PCDHGA4: variants seen among roughly 807,000 people sequenced by gnomAD.
PCDHGA4 encodes the protein protocadherin gamma-A4.
In PCDHGA4, 38 loss-of-function variants were observed where a neutral mutation model predicts 54.6. That is an observed-to-expected ratio of 0.70 (90% confidence interval 0.54 to 0.91). PCDHGA4 has a LOEUF of 0.91. Among genes scored for constraint, PCDHGA4 ranks in the 40% least tolerant of loss-of-function variants. PCDHGA4 has a pLI of 0.00. For synonymous variants in PCDHGA4, 511 were observed against 512.9 expected (o/e 1.00, Z 0.05); for missense variants, 1,298 against 1,220.9 (o/e 1.06, Z -0.94).
intron 1 of PCDHGA4, chr5:141,394,562 G>A (rs1381162611): frequency 2.5e-6 from 4 of 1,614,088 alleles, no homozygotes; most frequent in Admixed American, 3.3e-5. Flanking sequence ...GCTCCGCAGA[G>A]CGTGGCTACC....
At chr5:141,474,332 G>A (rs1427828070) in intron 1 of PCDHGA4, among the ~76,000 whole-genome samples, 1 of 152,168 alleles carries the variant, frequency 6.6e-6, no homozygotes, top group Non-Finnish European at 1.5e-5. Flanking sequence ...TCACCCTGAT[G>A]TTTTGTTAAA....
In PCDHGA4 at chr5:141,477,200, C is replaced by A; in HGVS notation, c.2515-17607C>A. On this transcript the variant is annotated intron_variant, in intron 1 of 3. Transcript: ENST00000571252. The surrounding 1 kb of genome is among the most constrained non-coding windows in gnomAD (Gnocchi z 4.9). The stretch of plus-strand genomic sequence containing the variant: ...AGTCACCTCCGTGTACAGCCCAGTA[C>A]CCGAGGATGCCCCTCTGGGGACTGT... 6.2e-7 allele frequency: 1 copy of A among 1,614,206 alleles called. No homozygotes were observed. Among genetic ancestry groups the A allele is most frequent in the South Asian group, 1.1e-5 (1 of 91,088 alleles).
rs762068366 is a variant in PCDHGA4 at position 141,360,850 on chromosome 5, C to G, written c.2514+3229C>G. On this transcript the variant is annotated intron_variant, in intron 1 of 3. Coordinates refer to ENST00000571252, the MANE Select transcript of PCDHGA4 (RefSeq NM_018917.4). Reference sequence around the variant, plus strand: ...CAAAGTCACGGATGCCAACGATAACCCTCCAGTGTTCAGCCAGGACGTGTA... The same window carrying G: ...CAAAGTCACGGATGCCAACGATAACGCTCCAGTGTTCAGCCAGGACGTGTA... 16 of 1,613,984 alleles carry G rather than the reference C, an allele frequency of 9.9e-6. No individual in the cohort carries two copies. The African/African-American group carries it at 2.1e-4, about 22-fold the overall frequency.
intron 1 of PCDHGA4, chr5:141,403,714 C>A: frequency 1.2e-6 from 2 of 1,613,910 alleles, no homozygotes; most frequent in South Asian, 1.1e-5. Context: ...TCCTTGAGAA[C>A]GTGCCCCCAG....
chr5:141,422,074 C>T (rs886758924), intron 1 of PCDHGA4: 8 of 1,612,146 alleles, frequency 5.0e-6, no homozygotes, highest in African/African-American at 4.0e-5. Context: ...GTATTCATTT[C>T]GGAACATGGA....
intron 1 of PCDHGA4, among the ~76,000 whole-genome samples, chr5:141,446,175 G>A (rs1288608276): frequency 1.3e-5 from 2 of 152,276 alleles, no homozygotes; most frequent in Non-Finnish European, 2.9e-5. Context: ...AGGGCAGGGG[G>A]TGTTTTGTTT....
At chr5:141,504,961 G>A (rs995382728) in intron 2 of PCDHGA4, among the ~76,000 whole-genome samples, 2 of 151,928 alleles carry the variant, frequency 1.3e-5, no homozygotes, top group Non-Finnish European at 2.9e-5. Flanking sequence ...TCAATGCATT[G>A]GACCAGCCTG....
intron 1 of PCDHGA4, among the ~76,000 whole-genome samples, chr5:141,459,678 G>A (rs1240789253): frequency 2.0e-5 from 3 of 152,184 alleles, no homozygotes; most frequent in African/African-American, 7.2e-5. Flanking sequence ...CATGAGCAAT[G>A]CATAAAGCGT....
chr5:141,422,061 A>G (rs1215523341), intron 1 of PCDHGA4: 3 of 1,612,074 alleles, frequency 1.9e-6, no homozygotes, highest in Non-Finnish European at 2.5e-6. Flanking sequence ...ACGGGGAAGT[A>G]ATGTATTCAT....
chr5:141,394,275 A>G (rs371709954), intron 1 of PCDHGA4: 21 of 1,613,792 alleles, frequency 1.3e-5, no homozygotes, highest in Non-Finnish European at 1.6e-5. Flanking sequence ...TGCCCAGGTC[A>G]CTTACTCTGT....
chr5:141,465,629 C>A (rs1048373153), intron 1 of PCDHGA4, among the ~76,000 whole-genome samples: 1 of 152,204 alleles, frequency 6.6e-6, no homozygotes, highest in Non-Finnish European at 1.5e-5. Flanking sequence ...AGTCAACCAG[C>A]AAAATGCTTT....
chr5:141,362,639 G>T, intron 1 of PCDHGA4: 3 of 1,469,872 alleles, frequency 2.0e-6, no homozygotes, highest in Non-Finnish European at 2.7e-6. Flanking sequence ...GTATTTCTTT[G>T]TCTGTGAGTT....
intron 1 of PCDHGA4, among the ~76,000 whole-genome samples, chr5:141,438,620 A>G (rs2098023964): frequency 1.0e-4 from 4 of 39,044 alleles, no homozygotes; most frequent in African/African-American, 8.0e-4. Flanking sequence ...ATATATATAT[A>G]TATATATATA....
At chr5:141,496,400 A>G (rs540108338) in intron 2 of PCDHGA4, among the ~76,000 whole-genome samples, 2 of 152,240 alleles carry the variant, frequency 1.3e-5, no homozygotes, top group East Asian at 3.9e-4. Flanking sequence ...TACCTCCTCA[A>G]TGGTTGAGTA....
chr5:141,415,081 C>A, intron 1 of PCDHGA4: 2 of 1,613,522 alleles, frequency 1.2e-6, no homozygotes, highest in Non-Finnish European at 1.7e-6. Flanking sequence ...GGCGCGAGCC[C>A]TGCTGGACAG....
intron 1 of PCDHGA4, chr5:141,418,530 G>A (rs370822103): frequency 5.0e-6 from 8 of 1,613,834 alleles, no homozygotes; most frequent in Non-Finnish European, 6.8e-6. Context: ...CCCCGAAGCG[G>A]TACTGCTCAG....
chr5:141,355,106 G>T lies in PCDHGA4; in HGVS notation c.-2G>T, dbSNP rs1226515373. ...CGGAAGCCCTGAGAGCTCTGGCTGT[G>T]AATGCACTTTATTTTGGACCCAGAA... On this transcript the variant is annotated 5_prime_UTR_variant, in exon 1 of 4. Transcript: ENST00000571252. 7 of 1,506,972 alleles carry T rather than the reference G, an allele frequency of 4.6e-6. No individual in the cohort carries two copies. Among genetic ancestry groups the T allele is most frequent in the Non-Finnish European group, 2.7e-6 (3 of 1,129,908 alleles). 93.4% of individuals were successfully genotyped at this position (1,506,972 alleles called of 1,614,324 possible).
At position 141,376,756 on chromosome 5, in the gene PCDHGA4, G is replaced by C. The variant is rs1049941497; in HGVS notation, c.2514+19135G>C. The stretch of plus-strand genomic sequence containing the variant: ...CTGCGGACTGCAGTGGCGCAATCTC[G>C]GCTCACTGCAAGCTCCGCTTCCCGG... On this transcript the variant is annotated intron_variant, in intron 1 of 3. Transcript: ENST00000571252. 3.1e-5 allele frequency: 14 copies of C among 448,188 alleles called. No individual in the cohort carries two copies. The Admixed American group carries it at 4.2e-4, about 14-fold the overall frequency. The allele number at this position is 448,188 out of a possible 1,614,324, so 27.8% of individuals were successfully genotyped here. A position where few individuals can be genotyped will look rare whatever the true frequency, so the allele number is the denominator to read the frequency against.
intron 1 of PCDHGA4, among the ~76,000 whole-genome samples, chr5:141,435,445 C>T (rs190910353): frequency 3.9e-5 from 6 of 152,224 alleles, no homozygotes; most frequent in Middle Eastern, 3.4e-3. Flanking sequence ...TTCATTAATA[C>T]GATATCTGTA....
Sources: gnomAD v4.1 joint callset for allele counts (sites outside exome capture counted in the v4.1 genomes callset) on GRCh38, gnomAD v4.1.1 for gene constraint, Gnocchi (gnomAD v3.1) non-coding constraint, MANE v1.5 for transcripts, NCBI Gene and HGNC (gene_info 2026-07-23, HGNC 2026-07-21) for gene names.